Variants in ZBTB46 observed in about 807,000 individuals in gnomAD.
ZBTB46 encodes the protein zinc finger and BTB domain-containing protein 46.
In ZBTB46, 8 loss-of-function variants were observed where a neutral mutation model predicts 44.1. That is an observed-to-expected ratio of 0.18 (90% CI 0.11 to 0.33). ZBTB46 has a LOEUF of 0.33. Ranked by LOEUF, ZBTB46 falls within the 10% of genes least tolerant of loss-of-function variation. The pLI is 1.00. For missense variants in ZBTB46, 651 were observed against 847.7 expected (o/e 0.77, Z 2.88); for synonymous variants, 409 against 382.3 (o/e 1.07, Z -0.81).
chr20:63,795,372 C>T (rs1374029423), intron 1 of ZBTB46, among the ~76,000 whole-genome samples: 1 of 152,218 alleles, frequency 6.6e-6, no homozygotes, highest in African/African-American at 2.4e-5. Context: ...CGGGACGCTG[C>T]GCAGTTACAC....
intron 2 of ZBTB46, among the ~76,000 whole-genome samples, chr20:63,785,941 C>T (rs1444654472): frequency 6.6e-6 from 1 of 152,226 alleles, no homozygotes; most frequent in South Asian, 2.1e-4. Flanking sequence ...ACCTTCTGCT[C>T]GACAACTGCA....
intron 1 of ZBTB46, among the ~76,000 whole-genome samples, chr20:63,830,810 G>T (rs1478783057): frequency 6.9e-6 from 1 of 143,982 alleles, no homozygotes; most frequent in Non-Finnish European, 1.5e-5. Context: ...CAGCCCCGCG[G>T]GGAACCCGCG....
chr20:63,827,169 C>T (rs963114558), intron 1 of ZBTB46, among the ~76,000 whole-genome samples: 13 of 152,190 alleles, frequency 8.5e-5, no homozygotes, highest in African/African-American at 2.2e-4. Context: ...GTGGTTTCTG[C>T]GTGCCCCCAA....
At chr20:63,823,276 C>T (rs933938453) in intron 1 of ZBTB46, among the ~76,000 whole-genome samples, 7 of 152,076 alleles carry the variant, frequency 4.6e-5, no homozygotes, top group African/African-American at 1.4e-4. Flanking sequence ...TGGGGGTGCA[C>T]TCGCGCTCAG....
rs1459694650 is a variant in ZBTB46, at chr20:63,746,411, GCCATGGGCCACGGCTGCA to G, written c.*501_*518del. The G allele has an allele frequency of 1.3e-5, 2 of 154,458 alleles. No individual in the cohort carries two copies. The highest frequency in any genetic ancestry group is 2.4e-5 in the African/African-American group (1 of 41,506). 9.6% of individuals were successfully genotyped at this position (154,458 alleles called of 1,614,324 possible). ...TCTGTGCACCTGGATTCTACAGGCT[GCCATGGGCCACGGCTGCA>G]CCACGGGCCACGGCTGCAGCCACAG... On this transcript the variant is annotated 3_prime_UTR_variant, in exon 5 of 5. Transcript: ENST00000245663.
At chr20:63,777,689 G>A (rs571644856) in intron 2 of ZBTB46, among the ~76,000 whole-genome samples, 5 of 152,244 alleles carry the variant, frequency 3.3e-5, no homozygotes, top group East Asian at 1.9e-4. Flanking sequence ...AGAAAACCTC[G>A]TCCAGGACGC....
At chr20:63,822,665 G>A (rs959184018) in intron 1 of ZBTB46, among the ~76,000 whole-genome samples, 3 of 152,090 alleles carry the variant, frequency 2.0e-5, no homozygotes, top group Admixed American at 6.6e-5. Flanking sequence ...CACAGGACAC[G>A]GCCAACCCGG....
intron 1 of ZBTB46, among the ~76,000 whole-genome samples, chr20:63,792,081 T>C (rs1469901901): frequency 6.6e-6 from 1 of 152,174 alleles, no homozygotes; most frequent in African/African-American, 2.4e-5. Flanking sequence ...TGTCACCCTT[T>C]CACAAGGACA....
chr20:63,746,105 G>C lies in ZBTB46; in HGVS notation c.*825C>G, dbSNP rs1203052625. 1 of 152,794 alleles carries C rather than the reference G, an allele frequency of 6.5e-6. No homozygotes were observed. The highest frequency in any genetic ancestry group is 1.5e-5 in the Non-Finnish European group (1 of 68,154). The allele number at this position is 152,794 out of a possible 1,614,324, so 9.5% of individuals were successfully genotyped here. A position where few individuals can be genotyped will look rare whatever the true frequency, so the allele number is the denominator to read the frequency against. ...CCAGGAGGGGTCAGCAGGAGCGGCC[G>C]GGCTGGGCCATGGGCAGAACAGGAC... On this transcript the variant is annotated 3_prime_UTR_variant, in exon 5 of 5. Transcript: ENST00000245663.
chr20:63,768,119 C>G, intron 3 of ZBTB46: 2 of 985,416 alleles, frequency 2.0e-6, no homozygotes. Context: ...CAACAGCCAT[C>G]TGGAAAGGAA....
At chr20:63,777,896 C>T (rs976630108) in intron 2 of ZBTB46, among the ~76,000 whole-genome samples, 1 of 152,186 alleles carries the variant, frequency 6.6e-6, no homozygotes, top group African/African-American at 2.4e-5. Flanking sequence ...CACAGAACCA[C>T]GCAGAGGAGC....
chr20:63,749,553 G>A (rs1218349785), intron 4 of ZBTB46, among the ~76,000 whole-genome samples: 37 of 152,280 alleles, frequency 2.4e-4, no homozygotes, highest in Admixed American at 2.2e-3. Flanking sequence ...AGCCAGGATG[G>A]TCTCGATCTC....
chr20:63,764,280 C>T (rs949798533), intron 3 of ZBTB46, among the ~76,000 whole-genome samples: 4 of 152,012 alleles, frequency 2.6e-5, no homozygotes, highest in Non-Finnish European at 4.4e-5. Context: ...ACTAAAAATA[C>T]AAAAAATCAG....
intron 1 of ZBTB46, among the ~76,000 whole-genome samples, chr20:63,826,227 T>G (rs943628067): frequency 2.6e-5 from 4 of 152,286 alleles, no homozygotes; most frequent in Non-Finnish European, 5.9e-5. Context: ...AGTATCTGTG[T>G]GTCCCATGCA....
chr20:63,792,963 C>T (rs1006181569), intron 1 of ZBTB46, among the ~76,000 whole-genome samples: 1 of 152,180 alleles, frequency 6.6e-6, no homozygotes, highest in Non-Finnish European at 1.5e-5. Flanking sequence ...GGTTCCCAGG[C>T]CCCCACAGCC....
intron 1 of ZBTB46, among the ~76,000 whole-genome samples, chr20:63,817,094 A>T (rs896066180): frequency 1.3e-5 from 2 of 151,094 alleles, no homozygotes; most frequent in Non-Finnish European, 2.9e-5. Context: ...AACAAGAGCG[A>T]AACTCAGTCT....
intron 1 of ZBTB46, among the ~76,000 whole-genome samples, chr20:63,819,127 C>T (rs2092776977): frequency 6.6e-6 from 1 of 152,064 alleles, no homozygotes; most frequent in African/African-American, 2.4e-5. Flanking sequence ...GAGCTGAGAT[C>T]GCGCCACTGC....
chr20:63,820,388 C>T (rs1312761041), intron 1 of ZBTB46, among the ~76,000 whole-genome samples: 1 of 150,980 alleles, frequency 6.6e-6, no homozygotes, highest in Non-Finnish European at 1.5e-5. Flanking sequence ...CATGAGACAC[C>T]GCGCCTGGCC....
At chr20:63,808,945 C>G (rs1196885704) in intron 1 of ZBTB46, among the ~76,000 whole-genome samples, 2 of 138,726 alleles carry the variant, frequency 1.4e-5, no homozygotes, top group Admixed American at 7.9e-5. Context: ...CCACTGCACT[C>G]CAGCCTGGGC....
Sources: gnomAD v4.1 joint callset for allele counts (sites outside exome capture counted in the v4.1 genomes callset) on GRCh38, gnomAD v4.1.1 for gene constraint, MANE v1.5 for transcripts, NCBI Gene and HGNC (gene_info 2026-07-23, HGNC 2026-07-21) for gene names.